The following UTRN variants were observed in gnomAD, a reference collection of about 807,000 sequenced individuals.
UTRN encodes the protein utrophin, also known as dystrophin-related protein 1.
In UTRN, 283 loss-of-function variants were observed where a neutral mutation model predicts 463.9. The ratio of observed to expected loss-of-function variants is 0.61; its 90% CI spans 0.55 to 0.67. The LOEUF is 0.67. Ranked by LOEUF, UTRN falls within the 30% of genes least tolerant of loss-of-function variation. The pLI is 0.00. For missense variants in UTRN, 3,922 were observed against 4,084.3 expected (o/e 0.96, Z 1.08); for synonymous variants, 1,442 against 1,431.5 (o/e 1.01, Z -0.17).
intron 1 of UTRN, among the ~76,000 whole-genome samples, chr6:144,290,494 TGTG>T (rs1340317498): frequency 6.6e-6 from 1 of 151,356 alleles, no homozygotes; most frequent in Non-Finnish European, 1.5e-5. Context: ...GTGTAGATGA[TGTG>T]GTGATTTTCC....
intron 45 of UTRN, among the ~76,000 whole-genome samples, chr6:144,542,592 G>C (rs898290010): frequency 1.3e-5 from 2 of 152,284 alleles, no homozygotes; most frequent in Admixed American, 1.3e-4. Context: ...GCTAAGGACT[G>C]GTTGGTGTTT....
intron 53 of UTRN, chr6:144,706,901 G>C (rs1386860825): frequency 6.6e-6 from 1 of 152,100 alleles, no homozygotes; most frequent in Non-Finnish European, 1.5e-5. Flanking sequence ...ATGATAGACA[G>C]AGTGAAATTA....
At chr6:144,693,744 T>A (rs1586052889) in intron 52 of UTRN, among the ~76,000 whole-genome samples, 1 of 152,190 alleles carries the variant, frequency 6.6e-6, no homozygotes, top group Non-Finnish European at 1.5e-5. Context: ...TGATTTTTTT[T>A]ATCCTGAGAC....
At chr6:144,294,671 C>G (rs1584164629) in intron 2 of UTRN, among the ~76,000 whole-genome samples, 1 of 151,948 alleles carries the variant, frequency 6.6e-6, no homozygotes, top group South Asian at 2.1e-4. Flanking sequence ...TTGGACAATC[C>G]AAAAGGCTGG....
At chr6:144,772,860 C>G (rs1272725588) in intron 59 of UTRN, among the ~76,000 whole-genome samples, 2 of 151,920 alleles carry the variant, frequency 1.3e-5, no homozygotes, top group Non-Finnish European at 2.9e-5. Context: ...TAAGTTTTCT[C>G]TTTGGGTAGC....
intron 73 of UTRN, among the ~76,000 whole-genome samples, chr6:144,843,563 G>C (rs1278030653): frequency 6.6e-6 from 1 of 152,098 alleles, no homozygotes; most frequent in Non-Finnish European, 1.5e-5. Flanking sequence ...TATTGGTTGG[G>C]GATCTTGTTA....
intron 36 of UTRN, among the ~76,000 whole-genome samples, 185 bp from the exon 37 acceptor site, chr6:144,514,465 A>T (rs1795442570): frequency 6.6e-6 from 1 of 152,142 alleles, no homozygotes; most frequent in South Asian, 2.1e-4. Flanking sequence ...TCCAATGAGA[A>T]TTACTTACCT....
chr6:144,671,079 G>A (rs1215134277), intron 51 of UTRN, among the ~76,000 whole-genome samples: 1 of 151,454 alleles, frequency 6.6e-6, no homozygotes, highest in African/African-American at 2.4e-5. Context: ...GATGCCTCCA[G>A]ATTTCTCCCT....
At chr6:144,534,963 A>G (rs1797399307) in intron 43 of UTRN, among the ~76,000 whole-genome samples, 5 of 152,200 alleles carry the variant, frequency 3.3e-5, no homozygotes, top group Admixed American at 3.3e-4. Context: ...AAAGGATTGA[A>G]AGGAGAGGAG....
chr6:144,683,804 C>T (rs181579219), intron 52 of UTRN, among the ~76,000 whole-genome samples: 2 of 152,218 alleles, frequency 1.3e-5, no homozygotes, highest in Admixed American at 1.3e-4. Context: ...TGAATACCAG[C>T]CATAAACATC....
At chr6:144,420,682 T>A (rs1464508753) in intron 3 of UTRN, among the ~76,000 whole-genome samples, 1 of 152,208 alleles carries the variant, frequency 6.6e-6, no homozygotes, top group Non-Finnish European at 1.5e-5. Context: ...AAGCCCAAAG[T>A]GCCTTAAGTG....
intron 65 of UTRN, among the ~76,000 whole-genome samples, chr6:144,813,742 A>G (rs1289635350): frequency 6.6e-6 from 1 of 152,190 alleles, no homozygotes; most frequent in African/African-American, 2.4e-5. Flanking sequence ...TAAGAACCAG[A>G]TAGCCCCCAA....
chr6:144,699,545 T>A (rs1784377375), intron 52 of UTRN, among the ~76,000 whole-genome samples: 1 of 128,148 alleles, frequency 7.8e-6, no homozygotes, highest in South Asian at 2.8e-4. Flanking sequence ...TTAAATGGCG[T>A]AAAAATAGCT....
At chr6:144,529,168 A>AC (rs1386566938) in intron 41 of UTRN, among the ~76,000 whole-genome samples, 1 of 151,816 alleles carries the variant, frequency 6.6e-6, no homozygotes, top group Non-Finnish European at 1.5e-5. Context: ...CCCTTCCGCC[A>AC]CCCCCACACC....
chr6:144,654,222 G>A (rs942345672), intron 51 of UTRN, among the ~76,000 whole-genome samples: 1 of 152,326 alleles, frequency 6.6e-6, no homozygotes, highest in African/African-American at 2.4e-5. Flanking sequence ...TGCAGAATGG[G>A]TTCCTAAGTA....
chr6:144,796,531 A>G (rs994733144), intron 63 of UTRN, among the ~76,000 whole-genome samples: 1 of 152,244 alleles, frequency 6.6e-6, no homozygotes, highest in African/African-American at 2.4e-5. Context: ...TTATTAAAGT[A>G]TCAGTTTTTT....
At chr6:144,432,658 T>G (rs944016194) in intron 9 of UTRN, among the ~76,000 whole-genome samples, 1 of 151,952 alleles carries the variant, frequency 6.6e-6, no homozygotes, top group Non-Finnish European at 1.5e-5. Context: ...TGGAAAGGTC[T>G]GGATGGATTT....
chr6:144,322,010 C>T (rs529153626), intron 2 of UTRN, among the ~76,000 whole-genome samples: 2 of 152,024 alleles, frequency 1.3e-5, no homozygotes, highest in African/African-American at 2.4e-5. Flanking sequence ...GCGATCCACC[C>T]GCCTCGGCCT....
chr6:144,432,912 A>G lies in UTRN; in HGVS notation c.856-3023A>G, dbSNP rs1260592027. Among the ~76,000 whole-genome samples the G allele has an allele frequency of 2.6e-5, 4 of 152,140 alleles. No homozygotes were observed. In the East Asian group the frequency reaches 7.7e-4, roughly 29 times the overall value. ...CTTAACGAGCATGCTGCCTTCTAGCATCTGTTTAACAAAGCACATCTTGCA... is the reference window on the plus strand; with the variant it reads ...CTTAACGAGCATGCTGCCTTCTAGCGTCTGTTTAACAAAGCACATCTTGCA... On this transcript the variant is annotated intron_variant, in intron 9 of 74. Transcript: ENST00000367545.
Sources: gnomAD v4.1 joint callset for allele counts (sites outside exome capture counted in the v4.1 genomes callset) on GRCh38, gnomAD v4.1.1 for gene constraint, MANE v1.5 for transcripts, NCBI Gene and HGNC (gene_info 2026-07-23, HGNC 2026-07-21) for gene names.